The following KCNQ3 variants were observed in gnomAD, a reference collection of about 807,000 sequenced individuals.
KCNQ3 encodes the protein potassium voltage-gated channel subfamily KQT member 3.
A neutral mutation model predicts 92.5 loss-of-function variants in KCNQ3; 30 were observed. The observed-to-expected ratio is 0.32, with a 90% CI of 0.24 to 0.44. The LOEUF (loss-of-function observed/expected upper bound fraction) is 0.44. KCNQ3 is among the 20% of genes least tolerant of loss of function. The pLI is 1.00. For synonymous variants in KCNQ3, 450 were observed against 468.8 expected (o/e 0.96, Z 0.52); for missense variants, 913 against 1,140.3 (o/e 0.80, Z 2.87).
At chr8:132,394,262 G>A (rs537422629) in intron 1 of KCNQ3, among the ~76,000 whole-genome samples, 1 of 152,200 alleles carries the variant, frequency 6.6e-6, no homozygotes, top group Admixed American at 6.5e-5. Flanking sequence ...TCTGAGGAGA[G>A]AGCATGGGAT....
chr8:132,298,887 G>A (rs904292979), intron 1 of KCNQ3, among the ~76,000 whole-genome samples: 7 of 152,014 alleles, frequency 4.6e-5, no homozygotes, highest in African/African-American at 1.4e-4. Context: ...CAGTCTGGGC[G>A]ACAAGAGTGA....
At chr8:132,350,458 T>A (rs1818828001) in intron 1 of KCNQ3, among the ~76,000 whole-genome samples, 1 of 152,112 alleles carries the variant, frequency 6.6e-6, no homozygotes. Flanking sequence ...CCAAGCTACC[T>A]GTTGTAATCA....
intron 1 of KCNQ3, among the ~76,000 whole-genome samples, chr8:132,314,582 T>C (rs548831006): frequency 6.6e-6 from 1 of 152,098 alleles, no homozygotes; most frequent in African/African-American, 2.4e-5. Context: ...AACAATAAGG[T>C]CAAAAATGGT....
chr8:132,293,850 T>C (rs1231506054), intron 1 of KCNQ3, among the ~76,000 whole-genome samples: 2 of 152,176 alleles, frequency 1.3e-5, no homozygotes, highest in Non-Finnish European at 2.9e-5. Flanking sequence ...GTCTTGCTCA[T>C]GTATCTTGGG....
intron 1 of KCNQ3, among the ~76,000 whole-genome samples, chr8:132,217,275 A>C (rs1381651147): frequency 6.6e-6 from 1 of 152,158 alleles, no homozygotes; most frequent in Non-Finnish European, 1.5e-5. Flanking sequence ...AAGGAAGAAA[A>C]TCAAACTACT....
intron 1 of KCNQ3, among the ~76,000 whole-genome samples, chr8:132,397,389 C>G (rs746952116): frequency 1.3e-5 from 2 of 152,144 alleles, no homozygotes; most frequent in African/African-American, 2.4e-5. Flanking sequence ...TTAAGGCCTT[C>G]CTCTCCCTGC....
chr8:132,412,432 C>T (rs950230208), intron 1 of KCNQ3, among the ~76,000 whole-genome samples: 13 of 152,308 alleles, frequency 8.5e-5, no homozygotes, highest in Admixed American at 4.6e-4. Flanking sequence ...GCAGAGTGTA[C>T]TGTTCTACCC....
chr8:132,293,556 G>A (rs1001050579), intron 1 of KCNQ3, among the ~76,000 whole-genome samples: 7 of 152,326 alleles, frequency 4.6e-5, no homozygotes, highest in African/African-American at 1.7e-4. Context: ...TAGAAATGAT[G>A]ATTGAAAGCT....
At chr8:132,237,473 A>G (rs1814854604) in intron 1 of KCNQ3, among the ~76,000 whole-genome samples, 1 of 152,216 alleles carries the variant, frequency 6.6e-6, no homozygotes, top group Non-Finnish European at 1.5e-5. Flanking sequence ...CATTGGCCCA[A>G]GGTTACAGCA....
chr8:132,163,112 T>C (rs1381699014), intron 9 of KCNQ3, among the ~76,000 whole-genome samples: 1 of 152,180 alleles, frequency 6.6e-6, no homozygotes, highest in Non-Finnish European at 1.5e-5. Context: ...AATTTTGGTC[T>C]TGCCACTCAA....
chr8:132,410,256 A>G (rs1482446352), intron 1 of KCNQ3, among the ~76,000 whole-genome samples: 2 of 152,254 alleles, frequency 1.3e-5, no homozygotes, highest in Admixed American at 6.5e-5. Flanking sequence ...TAATTCGAAA[A>G]GCATGTAAGG....
Position 132,129,142 on chromosome 8 carries a change from C to A in KCNQ3, c.*120G>T, listed in dbSNP as rs867424789. ...AGCCCCTGCCTGGGTGGGGCCACCA[C>A]GCACACGCATGCATTTGATGCAGCC... On this transcript the variant is annotated 3_prime_UTR_variant, in exon 15 of 15. Coordinates refer to ENST00000388996, the MANE Select transcript of KCNQ3 (RefSeq NM_004519.4). This position sits in a 1 kb window ranked among gnomAD's most constrained non-coding sequence, Gnocchi z 5.9. 2 of 1,244,478 alleles carry A rather than the reference C, an allele frequency of 1.6e-6. No individual in the cohort carries two copies. Among genetic ancestry groups the A allele is most frequent in the East Asian group, 2.3e-5 (1 of 42,740 alleles). The allele number at this position is 1,244,478 out of a possible 1,614,324, so 77.1% of individuals were successfully genotyped here.
chr8:132,152,026 G>T lies in KCNQ3; in HGVS notation c.1263-10695C>A, dbSNP rs913005065. On this transcript the variant is annotated intron_variant, in intron 9 of 14. Coordinates refer to ENST00000388996, the MANE Select transcript of KCNQ3 (RefSeq NM_004519.4). ...TACCATGAGATAATCAAACTTCGTT[G>T]TCAATTGTGTTTCTAACTCTAACGA... Among the ~76,000 whole-genome samples, 9 of 152,288 alleles carry T rather than the reference G, an allele frequency of 5.9e-5. No homozygotes were observed. The East Asian group carries it at 9.6e-4, about 16-fold the overall frequency.
At chr8:132,410,785 G>T (rs1820631659) in intron 1 of KCNQ3, among the ~76,000 whole-genome samples, 1 of 152,214 alleles carries the variant, frequency 6.6e-6, no homozygotes, top group Non-Finnish European at 1.5e-5. Flanking sequence ...TAACTCTGGA[G>T]AGAGATTTTT....
intron 9 of KCNQ3, among the ~76,000 whole-genome samples, chr8:132,145,415 G>A (rs1825422189): frequency 6.6e-6 from 1 of 151,934 alleles, no homozygotes; most frequent in South Asian, 2.1e-4. Flanking sequence ...TGAAGTAAGA[G>A]AACTGAGTTC....
At chr8:132,273,461 A>AT (rs914156298) in intron 1 of KCNQ3, among the ~76,000 whole-genome samples, 3 of 151,878 alleles carry the variant, frequency 2.0e-5, no homozygotes, top group East Asian at 1.9e-4. Context: ...CCATGAAACC[A>AT]TTTTTTCTTC....
chr8:132,467,161 G>C (rs1587049255), intron 1 of KCNQ3, among the ~76,000 whole-genome samples: 1 of 152,324 alleles, frequency 6.6e-6, no homozygotes, highest in East Asian at 1.9e-4. Flanking sequence ...AAACTAGAGA[G>C]TAAATCAGCA....
rs1353261257 is a variant in KCNQ3, at chr8:132,154,208, T to TTTTTGTTTTTG, written c.1262+9259_1262+9260insCAAAAACAAAA. Among the ~76,000 whole-genome samples, 507 of 142,278 alleles carry TTTTTGTTTTTG rather than the reference T, an allele frequency of 3.6e-3. 13 individuals are homozygous for TTTTTGTTTTTG. The highest frequency in any genetic ancestry group is 0.013 in the African/African-American group (482 of 37,414). The allele number at this position is 142,278 out of a possible 152,430, so 93.3% of individuals were successfully genotyped here. ...AAGGGTAAAAGTTTTTTTTTTTTTT[T>TTTTTGTTTTTG]TTTTTTTTTTTTTTTAGCCAATCAG... On this transcript the variant is annotated intron_variant, in intron 9 of 14. Transcript: ENST00000388996.
chr8:132,431,580 G>A (rs1315428101), intron 1 of KCNQ3, among the ~76,000 whole-genome samples: 1 of 152,154 alleles, frequency 6.6e-6, no homozygotes, highest in Admixed American at 6.5e-5. Flanking sequence ...ATGGAGCCTG[G>A]CTCACCTGAG....
Sources: allele counts gnomAD v4.1 joint callset (sites outside exome capture counted in the v4.1 genomes callset), GRCh38; gene constraint gnomAD v4.1.1; non-coding constraint Gnocchi (gnomAD v3.1); transcripts MANE v1.5; gene names NCBI Gene and HGNC (gene_info 2026-07-23, HGNC 2026-07-21).